Variants in MYCBPAP observed in about 807,000 individuals in gnomAD.
The protein encoded by MYCBPAP is MYCBP-associated protein.
Under a neutral mutation model 106.1 loss-of-function variants are expected in MYCBPAP, and 60 were observed. That is an observed-to-expected ratio of 0.57 (90% CI 0.46 to 0.70). The LOEUF is 0.70. MYCBPAP is among the 30% of genes least tolerant of loss of function. The pLI is 0.00. For missense variants in MYCBPAP, 1,064 were observed against 1,169.3 expected, an observed-to-expected ratio of 0.91 and a Z score of 1.31; for synonymous variants, 407 against 440.6, an observed-to-expected ratio of 0.92 and a Z score of 0.95.
chr17:50,516,513 A>G (rs2034057020), intron 1 of MYCBPAP, 57 bp from the exon 2 acceptor site: 2 of 1,573,406 alleles, frequency 1.3e-6, no homozygotes, highest in South Asian at 1.2e-5. Flanking sequence ...GTATGTATAT[A>G]TTGATATATA....
At chr17:50,520,435 G>A (rs568865862) in intron 7 of MYCBPAP, among the ~76,000 whole-genome samples, 4 of 152,272 alleles carry the variant, frequency 2.6e-5, no homozygotes, top group African/African-American at 9.6e-5. Context: ...AATCTGGGAG[G>A]TGGAGGTTGC....
At chr17:50,529,560 G>A in intron 18 of MYCBPAP, 1 of 378,880 alleles carries the variant, frequency 2.6e-6, no homozygotes, top group Admixed American at 3.3e-5. Context: ...GTAGTGGGGA[G>A]CAGGTCATAG....
intron 6 of MYCBPAP, among the ~76,000 whole-genome samples, 159 bp downstream of exon 6, chr17:50,519,248 A>C (rs2143942059): frequency 6.6e-6 from 1 of 152,184 alleles, no homozygotes; most frequent in East Asian, 1.9e-4. Flanking sequence ...GGCCTTTACT[A>C]AATTATATGA....
intron 3 of MYCBPAP, 67 bp downstream of exon 3, chr17:50,517,519 G>T: frequency 1.2e-6 from 2 of 1,613,746 alleles, no homozygotes; most frequent in Non-Finnish European, 1.7e-6. Context: ...GAGAAACCCA[G>T]TCTCCATCAG....
chr17:50,523,461 C>T, intron 11 of MYCBPAP, 136 bp from the exon 12 acceptor site: 1 of 873,028 alleles, frequency 1.1e-6, no homozygotes, highest in African/African-American at 1.7e-5. Context: ...TCCAGGAAAC[C>T]TCTCAGCCCT....
chr17:50,529,109 C>A lies in MYCBPAP; in HGVS notation c.2645C>A (p.Thr882Asn). 9 of 1,614,086 alleles carry A rather than the reference C, an allele frequency of 5.6e-6. No homozygotes were observed. Among genetic ancestry groups the A allele is most frequent in the Non-Finnish European group, 7.6e-6 (9 of 1,180,024 alleles). Residue 882 changes from threonine to asparagine, a missense_variant, in exon 18 of 19, where the codon ACC (threonine) becomes AAC (asparagine). By Grantham distance (65) the Thr-to-Asn change is moderately conservative (BLOSUM62 0). Coordinates refer to ENST00000323776, the MANE Select transcript of MYCBPAP (RefSeq NM_032133.6). The stretch of plus-strand genomic sequence containing the variant: ...GACAGGTTTTCTTTGGAAGACCCTA[C>A]CCCTGACATCATCCTCTCTTCTCAA... ...SQDRFSLEDP[T>N]PDIILSSQEP...
rs1180868222 is a variant in MYCBPAP, at chr17:50,523,653, G to A, written c.1504G>A (p.Ala502Thr). ...TACCTTCTTCTTCAAGTCTTTGACTGCTGGGGTCTTCAGGGAATTTTGGGA... is the reference window on the plus strand; with the variant it reads ...TACCTTCTTCTTCAAGTCTTTGACTACTGGGGTCTTCAGGGAATTTTGGGA... The part of the protein sequence containing the change: ...TFTFFFKSLT[A>T]GVFREFWEFR... The change falls in exon 12 of 19, where the codon GCT becomes ACT. Residue 502 changes from alanine to threonine, a missense_variant. Ala to Thr is a moderately conservative substitution (Grantham distance 58). Coordinates refer to ENST00000323776, the MANE Select transcript of MYCBPAP (RefSeq NM_032133.6). 2.5e-6 allele frequency: 4 copies of A among 1,614,234 alleles called. No individual in the cohort carries two copies. The highest frequency in any genetic ancestry group is 1.7e-5 in the Admixed American group (1 of 60,028).
chr17:50,510,497 G>GTATATATATATATATA (rs1270955072), intron 1 of MYCBPAP: 3 of 89,520 alleles, frequency 3.4e-5, no homozygotes, highest in Non-Finnish European at 6.3e-5. Flanking sequence ...GTGTGTGTGT[G>GTATATATATATATATA]TGTATATATA....
Position 50,521,307 on chromosome 17 carries a change from C to A in MYCBPAP, c.1033-9C>A. 6.3e-7 allele frequency: 1 copy of A among 1,597,114 alleles called. No homozygotes were observed. The highest frequency in any genetic ancestry group is 1.3e-5 in the African/African-American group (1 of 74,732). ...GTCAGCTCATCTTACCTTTCTCCATCTCTCGGAGGATATTGATGGCCTGGA... is the reference window on the plus strand; with the variant it reads ...GTCAGCTCATCTTACCTTTCTCCATATCTCGGAGGATATTGATGGCCTGGA... On this transcript the variant is annotated splice_polypyrimidine_tract_variant and intron_variant, in intron 8 of 18. Transcript: ENST00000323776.
chr17:50,521,984 C>G lies in MYCBPAP; in HGVS notation c.1160C>G (p.Ala387Gly). 1.9e-6 allele frequency: 3 copies of G among 1,613,506 alleles called. No homozygotes were observed. The highest frequency in any genetic ancestry group is 2.5e-6 in the Non-Finnish European group (3 of 1,179,538). The change falls in exon 10 of 19, where the codon GCC becomes GGC. Residue 387 changes from alanine to glycine, a missense_variant. Transcript: ENST00000323776. ...SEDTAYLGTL[A>G]SSSDVSMPIL... ...GGCTTTTCTTACAGAGGCACATTGG[C>G]CAGTTCCTCTGATGTCTCCATGCCT... is the stretch of plus-strand genomic sequence containing the variant.
chr17:50,522,075 G>A lies in MYCBPAP; in HGVS notation c.1251G>A (p.Gln417=). ...GCTGGATCAGAGGCAGTAATCCACA[G>A]GACAAGGTAAAACAGCCTCCACCAC... ...PACWIRGSNP[Q]DKRQVGIAAH... The change falls in exon 10 of 19, where the codon CAG becomes CAA. Residue 417 remains glutamine (Q), a synonymous_variant. Transcript: ENST00000323776. 1 of 1,613,642 alleles carries A rather than the reference G, an allele frequency of 6.2e-7. No individual in the cohort carries two copies. Among genetic ancestry groups the A allele is most frequent in the East Asian group, 2.2e-5 (1 of 44,854 alleles).
chr17:50,526,339 G>A, intron 14 of MYCBPAP, 72 bp downstream of exon 14: 1 of 1,483,264 alleles, frequency 6.7e-7, no homozygotes, highest in Non-Finnish European at 8.9e-7. Context: ...GGACCCAGCA[G>A]CCCCTCTTGC....
rs2034142963 is a variant in MYCBPAP at position 50,518,678 on chromosome 17, G to T, written c.606G>T (p.Trp202Cys). The change falls in exon 5 of 19, where the codon TGG becomes TGT. Residue 202 changes from tryptophan to cysteine, a missense_variant. Coordinates refer to ENST00000323776, the MANE Select transcript of MYCBPAP (RefSeq NM_032133.6). ...PPPQHNFLKN[W>C]QRNTALRKKQ... ...CTCAGCACAACTTTCTGAAAAACTGGCAGCGTAACACAGCCCTGCGGAAGA... is the reference window on the plus strand; with the variant it reads ...CTCAGCACAACTTTCTGAAAAACTGTCAGCGTAACACAGCCCTGCGGAAGA... 6.2e-7 allele frequency: 1 copy of T among 1,606,294 alleles called. No individual in the cohort carries two copies. Among genetic ancestry groups the T allele is most frequent in the African/African-American group, 1.3e-5 (1 of 74,096 alleles).
chr17:50,512,982 T>C (rs2033910609), intron 1 of MYCBPAP, among the ~76,000 whole-genome samples: 1 of 152,036 alleles, frequency 6.6e-6, no homozygotes, highest in Non-Finnish European at 1.5e-5. Flanking sequence ...TTTGGGAGGC[T>C]GAGGCAGGTG....
intron 11 of MYCBPAP, 81 bp downstream of exon 11, chr17:50,523,209 T>C: frequency 7.1e-7 from 1 of 1,406,064 alleles, no homozygotes; most frequent in Non-Finnish European, 9.9e-7. Flanking sequence ...AGTTTAGTTA[T>C]GGCCCAGCTC....
intron 18 of MYCBPAP, chr17:50,529,720 G>A (rs2034573251): frequency 2.2e-6 from 1 of 455,758 alleles, no homozygotes; most frequent in African/African-American, 2.0e-5. Context: ...AGACTCTAGG[G>A]GAACAGAGAG....
rs1276627504 is a variant in MYCBPAP at position 50,518,634 on chromosome 17, C to T, written c.562C>T (p.Pro188Ser). ...AAAAGCCCCAAAAGAAGAGAAGAGA[C>T]CTCCCTGGGCCCCACCTCCTCAGCA... ...KQKAPKEEKR[P>S]PWAPPPQHNF... Residue 188 changes from proline (P) to serine (S), a missense_variant, in exon 5 of 19, where the codon CCT (proline) becomes TCT (serine). By Grantham distance (74) the Pro-to-Ser change is moderately conservative. Coordinates refer to ENST00000323776, the MANE Select transcript of MYCBPAP (RefSeq NM_032133.6). 6.2e-7 allele frequency: 1 copy of T among 1,610,780 alleles called. No homozygotes were observed. Among genetic ancestry groups the T allele is most frequent in the South Asian group, 1.1e-5 (1 of 90,644 alleles).
At chr17:50,523,195 TC>T in intron 11 of MYCBPAP, 67 bp downstream of exon 11, 6 of 1,521,746 alleles carry the variant, frequency 3.9e-6, no homozygotes, top group Non-Finnish European at 5.4e-6. Context: ...CCGTGAGACA[TC>T]AAAGTTTAGT....
intron 1 of MYCBPAP, among the ~76,000 whole-genome samples, chr17:50,511,283 C>T (rs1403768750): frequency 2.6e-5 from 4 of 152,004 alleles, no homozygotes; most frequent in Non-Finnish European, 4.4e-5. Flanking sequence ...CCTGAGAGCC[C>T]TTTTGAGTCC....
Sources: gnomAD v4.1 joint callset for allele counts (sites outside exome capture counted in the v4.1 genomes callset) on GRCh38, gnomAD v4.1.1 for gene constraint, MANE v1.5 for transcripts, NCBI Gene and HGNC (gene_info 2026-07-23, HGNC 2026-07-21) for gene names.